The following MAP3K7 variants were observed in gnomAD, a reference collection of about 807,000 sequenced individuals.
MAP3K7 encodes the protein TGF-beta activated kinase 1.
In MAP3K7, 21 loss-of-function variants were observed where a neutral mutation model predicts 84.8. The observed-to-expected ratio is 0.25, with a 90% CI of 0.18 to 0.36. The LOEUF (loss-of-function observed/expected upper bound fraction) is 0.36, where lower values mean the gene tolerates loss of function less well. Ranked by LOEUF, MAP3K7 falls within the 10% of genes least tolerant of loss-of-function variation. The pLI is 1.00. For missense variants in MAP3K7, 503 were observed against 747.7 expected (o/e 0.67, Z 3.82); for synonymous variants, 241 against 247.7 (o/e 0.97, Z 0.25).
At chr6:90,517,469 C>G (rs1775003555) in intron 16 of MAP3K7, among the ~76,000 whole-genome samples, 1 of 151,784 alleles carries the variant, frequency 6.6e-6, no homozygotes, top group South Asian at 2.1e-4. Flanking sequence ...ACAGCCAACA[C>G]CCTAATCCAC....
At chr6:90,544,229 T>G (rs1053304233) in intron 12 of MAP3K7, among the ~76,000 whole-genome samples, 1 of 152,038 alleles carries the variant, frequency 6.6e-6, no homozygotes, top group Non-Finnish European at 1.5e-5. Flanking sequence ...CCTCTTTCTG[T>G]TGGGTGCAAA....
intron 13 of MAP3K7, among the ~76,000 whole-genome samples, chr6:90,533,779 G>A (rs758444686): frequency 6.6e-5 from 10 of 152,286 alleles, no homozygotes; most frequent in East Asian, 3.9e-4. Flanking sequence ...ACAGCCAGCC[G>A]TTGAGAATAA....
intron 1 of MAP3K7, among the ~76,000 whole-genome samples, chr6:90,576,034 T>C (rs1051022034): frequency 6.6e-6 from 1 of 151,888 alleles, no homozygotes; most frequent in African/African-American, 2.4e-5. Context: ...TTTAAAAAAA[T>C]GCCACATAGA....
At chr6:90,531,465 A>T (rs1345412223) in intron 13 of MAP3K7, among the ~76,000 whole-genome samples, 1 of 152,214 alleles carries the variant, frequency 6.6e-6, no homozygotes, top group African/African-American at 2.4e-5. Context: ...ATAAGTTGGT[A>T]ATGTGGATTT....
intron 13 of MAP3K7, among the ~76,000 whole-genome samples, chr6:90,529,898 A>G (rs1775451777): frequency 6.6e-6 from 1 of 152,248 alleles, no homozygotes. Context: ...TCATTGAATA[A>G]AATGAGAACA....
At chr6:90,528,982 T>C (rs1178603638) in intron 13 of MAP3K7, among the ~76,000 whole-genome samples, 1 of 152,176 alleles carries the variant, frequency 6.6e-6, no homozygotes, top group African/African-American at 2.4e-5. Flanking sequence ...TTCCCCACCC[T>C]GTAAGGCCCA....
Position 90,536,507 on chromosome 6 carries a change from A to G in MAP3K7, c.1292-106T>C. ...GGAATTTGTTGCTCCTTGGATCTAC[A>G]CAAAATGTTTGTGGGGAAAAAAAAG... On this transcript the variant is annotated intron_variant, in intron 12 of 16. Transcript: ENST00000369329. The G allele has an allele frequency of 6.5e-6, 5 of 772,822 alleles. No individual in the cohort carries two copies. In the South Asian group the frequency reaches 8.0e-5, roughly 12 times the overall value. 47.9% of individuals were successfully genotyped at this position (772,822 alleles called of 1,614,324 possible).
At chr6:90,570,397 T>A (rs761371542) in intron 2 of MAP3K7, among the ~76,000 whole-genome samples, 5 of 152,240 alleles carry the variant, frequency 3.3e-5, no homozygotes, top group Non-Finnish European at 7.4e-5. Context: ...AATGAGCTAA[T>A]CAAAGGATAG....
At chr6:90,538,052 A>C (rs1024759642) in intron 12 of MAP3K7, among the ~76,000 whole-genome samples, 3 of 151,990 alleles carry the variant, frequency 2.0e-5, no homozygotes, top group African/African-American at 7.2e-5. Flanking sequence ...TAAGGAAGTA[A>C]GGTAAAGAAG....
At chr6:90,524,434 A>C (rs1247027605) in intron 13 of MAP3K7, among the ~76,000 whole-genome samples, 2 of 152,228 alleles carry the variant, frequency 1.3e-5, no homozygotes, top group Non-Finnish European at 2.9e-5. Context: ...AATTGAGTTC[A>C]ACATGGAACG....
At chr6:90,525,667 A>C (rs1775298450) in intron 13 of MAP3K7, among the ~76,000 whole-genome samples, 1 of 152,134 alleles carries the variant, frequency 6.6e-6, no homozygotes, top group African/African-American at 2.4e-5. Flanking sequence ...TCCTGGGCTC[A>C]AGCGATCCTT....
intron 1 of MAP3K7, among the ~76,000 whole-genome samples, chr6:90,586,059 T>C (rs890777213): frequency 6.6e-6 from 1 of 152,220 alleles, no homozygotes; most frequent in Admixed American, 6.5e-5. Context: ...TCGAATATAA[T>C]ACAATCTTTG....
At chr6:90,562,133 A>G (rs1021719401) in intron 3 of MAP3K7, among the ~76,000 whole-genome samples, 5 of 152,232 alleles carry the variant, frequency 3.3e-5, no homozygotes, top group Non-Finnish European at 5.9e-5. Context: ...AAATAGGAAA[A>G]GCTCCAGTCT....
chr6:90,527,678 G>A lies in MAP3K7; in HGVS notation c.1357-3895C>T, dbSNP rs1161598256. On this transcript the variant is annotated intron_variant, in intron 13 of 16. Coordinates refer to ENST00000369329, the MANE Select transcript of MAP3K7 (RefSeq NM_145331.3). ...GGAAATGACAGGGAAGGCCACAGGC[G>A]AGGAACACACAGGGACCAACCCCCA... is the stretch of plus-strand genomic sequence containing the variant. Among the ~76,000 whole-genome samples, 6 of 152,148 alleles carry A rather than the reference G, an allele frequency of 3.9e-5. No individual in the cohort carries two copies. The East Asian group carries it at 1.2e-3, about 29-fold the overall frequency.
chr6:90,523,601 T>C lies in MAP3K7; in HGVS notation c.1462+77A>G, dbSNP rs1459759620. On this transcript the variant is annotated intron_variant, in intron 14 of 16. Coordinates refer to ENST00000369329, the MANE Select transcript of MAP3K7 (RefSeq NM_145331.3). ...AGTATAATGCCTGCCTTTGTAAACA[T>C]TAGAGTAATGACATGGCCAAATGAA... is the stretch of plus-strand genomic sequence containing the variant. The C allele has an allele frequency of 9.8e-6, 9 of 922,482 alleles. No homozygotes were observed. In the Admixed American group the frequency reaches 1.3e-4, roughly 13 times the overall value. The allele number at this position is 922,482 out of a possible 1,614,324, so 57.1% of individuals were successfully genotyped here. A position where few individuals can be genotyped will look rare whatever the true frequency, so the allele number is the denominator to read the frequency against.
intron 16 of MAP3K7, among the ~76,000 whole-genome samples, chr6:90,517,848 T>G (rs1775017889): frequency 6.6e-6 from 1 of 151,772 alleles, no homozygotes; most frequent in Non-Finnish European, 1.5e-5. Flanking sequence ...CAAAATTTTT[T>G]CCTTATCACT....
At chr6:90,556,743 C>A in intron 5 of MAP3K7, 119 bp from the exon 6 acceptor site, 2 of 996,764 alleles carry the variant, frequency 2.0e-6, no homozygotes, top group Non-Finnish European at 2.8e-6. Context: ...TATCATTCAA[C>A]TTCTGTGAAA....
At chr6:90,568,533 G>A (rs1026879208) in intron 3 of MAP3K7, 25 bp downstream of exon 3, 9 of 1,588,050 alleles carry the variant, frequency 5.7e-6, no homozygotes, top group Middle Eastern at 1.7e-4. Context: ...TCTCACAGGT[G>A]ACCATGAAAA....
intron 1 of MAP3K7, among the ~76,000 whole-genome samples, chr6:90,584,491 T>A (rs1165971214): frequency 6.6e-6 from 1 of 152,032 alleles, no homozygotes; most frequent in East Asian, 1.9e-4. Flanking sequence ...AGAAATTTCC[T>A]AAACACACAC....
Sources: allele counts gnomAD v4.1 joint callset (sites outside exome capture counted in the v4.1 genomes callset), GRCh38; gene constraint gnomAD v4.1.1; transcripts MANE v1.5; gene names NCBI Gene and HGNC (gene_info 2026-07-23, HGNC 2026-07-21).